Variants in KDM4C observed in about 807,000 individuals in gnomAD.
KDM4C encodes the protein lysine-specific demethylase 4C.
Under a neutral mutation model 129.3 loss-of-function variants are expected in KDM4C, and 81 were observed. The ratio of observed to expected loss-of-function variants is 0.63; its 90% confidence interval spans 0.52 to 0.75. The LOEUF (loss-of-function observed/expected upper bound fraction) is 0.75, where lower values mean the gene tolerates loss of function less well. Among genes scored for constraint, KDM4C ranks in the 30% least tolerant of loss-of-function variants. The pLI is 0.00. For missense variants in KDM4C, 1,457 were observed against 1,304.0 expected (o/e 1.12, Z -1.81); for synonymous variants, 573 against 456.1 (o/e 1.26, Z -3.26).
At chr9:6,829,663 C>T (rs1834484321) in intron 4 of KDM4C, among the ~76,000 whole-genome samples, 1 of 152,128 alleles carries the variant, frequency 6.6e-6, no homozygotes, top group African/African-American at 2.4e-5. Flanking sequence ...AGACAGTCAC[C>T]AGGAAGGATG....
intron 18 of KDM4C, among the ~76,000 whole-genome samples, chr9:7,110,248 T>C (rs532941022): frequency 6.6e-6 from 1 of 152,312 alleles, no homozygotes; most frequent in East Asian, 1.9e-4. Context: ...GGAGCTCTAC[T>C]AGAGACCAAA....
At chr9:7,126,862 A>C (rs1840075010) in intron 18 of KDM4C, among the ~76,000 whole-genome samples, 2 of 152,102 alleles carry the variant, frequency 1.3e-5, no homozygotes, top group Admixed American at 1.3e-4. Flanking sequence ...TAAAAAAAAA[A>C]GAAAAGAAAA....
intron 8 of KDM4C, among the ~76,000 whole-genome samples, chr9:6,916,028 G>A (rs1199721210): frequency 6.6e-6 from 1 of 152,160 alleles, no homozygotes. Context: ...GGACAGCTTT[G>A]TGAGAGACAT....
intron 17 of KDM4C, chr9:7,076,975 G>A (rs937120470): frequency 1.3e-5 from 13 of 985,522 alleles, no homozygotes; most frequent in Non-Finnish European, 1.6e-5. Flanking sequence ...CCAGAGGCTT[G>A]AATCTAAGAG....
At chr9:7,101,933 A>G (rs1837142305) in intron 17 of KDM4C, among the ~76,000 whole-genome samples, 1 of 152,214 alleles carries the variant, frequency 6.6e-6, no homozygotes. Context: ...ATCTGCCATC[A>G]CATTTCAAAT....
intron 8 of KDM4C, among the ~76,000 whole-genome samples, chr9:6,949,811 C>G (rs1044087869): frequency 3.9e-5 from 6 of 152,068 alleles, no homozygotes; most frequent in Non-Finnish European, 8.8e-5. Flanking sequence ...AGCTTCGGCT[C>G]GGCATCAGAG....
chr9:6,807,689 C>A (rs1282206283), intron 3 of KDM4C, among the ~76,000 whole-genome samples: 2 of 148,138 alleles, frequency 1.4e-5, no homozygotes, highest in Non-Finnish European at 3.0e-5. Context: ...CGCCCGGCAG[C>A]TGCCCCGTCT....
chr9:6,984,221 G>C lies in KDM4C; in HGVS notation c.1171G>C (p.Val391Leu). 2 of 1,613,918 alleles carry C rather than the reference G, an allele frequency of 1.2e-6. No homozygotes were observed. The highest frequency in any genetic ancestry group is 1.7e-6 in the Non-Finnish European group (2 of 1,179,812). ...KRPKADEEEE[V>L]SDEVDGAEVP... ...GCCTAAGGCTGATGAGGAAGAGGAA[G>C]TGTCAGATGAAGTCGATGGGGCAGA... Residue 391 changes from valine to leucine, a missense_variant, in exon 10 of 22, where the codon GTG (valine) becomes CTG (leucine). Val to Leu is a conservative substitution (Grantham distance 32, BLOSUM62 1). Transcript: ENST00000381309.
chr9:7,029,243 C>G (rs1826322941), intron 15 of KDM4C, among the ~76,000 whole-genome samples: 1 of 151,406 alleles, frequency 6.6e-6, no homozygotes, highest in Non-Finnish European at 1.5e-5. Flanking sequence ...AATATGCTCA[C>G]CATAAAAATG....
chr9:7,168,908 T>C (rs1402957496), intron 20 of KDM4C, among the ~76,000 whole-genome samples: 2 of 152,070 alleles, frequency 1.3e-5, no homozygotes, highest in African/African-American at 2.4e-5. Flanking sequence ...AGCTGGGCGT[T>C]GTGGCACACA....
intron 8 of KDM4C, among the ~76,000 whole-genome samples, chr9:6,900,400 C>T (rs144051615): frequency 2.6e-5 from 4 of 152,324 alleles, no homozygotes; most frequent in East Asian, 3.9e-4. Context: ...TGGTCTTGTC[C>T]CATGAAAGCT....
intron 15 of KDM4C, among the ~76,000 whole-genome samples, chr9:7,033,778 C>A (rs1288614186): frequency 6.6e-6 from 1 of 152,144 alleles, no homozygotes; most frequent in Non-Finnish European, 1.5e-5. Context: ...TTTAGTGCTT[C>A]AACTAGAAAG....
intron 15 of KDM4C, among the ~76,000 whole-genome samples, chr9:7,040,387 G>A (rs7852299): frequency 7.7e-5 from 6 of 77,746 alleles, no homozygotes; most frequent in African/African-American, 2.0e-4. Context: ...GTGTGTGTGT[G>A]TGTGTGTGTG....
At chr9:6,755,752 C>T (rs1248147094), upstream of KDM4C, among the ~76,000 whole-genome samples, 7 of 152,008 alleles carry the variant, frequency 4.6e-5, no homozygotes, top group Non-Finnish European at 7.4e-5. Flanking sequence ...AATGTTTTCA[C>T]GATAATTCAT....
chr9:6,825,039 G>A (rs1023780812), intron 4 of KDM4C, among the ~76,000 whole-genome samples: 1 of 151,288 alleles, frequency 6.6e-6, no homozygotes, highest in African/African-American at 2.4e-5. Flanking sequence ...CCAGCTACCC[G>A]AGAGGCAGAG....
intron 8 of KDM4C, among the ~76,000 whole-genome samples, chr9:6,901,566 C>T (rs950090798): frequency 2.0e-5 from 3 of 152,160 alleles, no homozygotes; most frequent in Admixed American, 2.0e-4. Context: ...TCATCTACCC[C>T]CATTTGCGAG....
intron 8 of KDM4C, among the ~76,000 whole-genome samples, chr9:6,898,164 G>T (rs1005576254): frequency 5.9e-5 from 9 of 152,198 alleles, no homozygotes; most frequent in African/African-American, 2.2e-4. Context: ...CTGACAGGCT[G>T]TTAAATGAAA....
At chr9:6,907,554 C>G (rs1236701133) in intron 8 of KDM4C, among the ~76,000 whole-genome samples, 1 of 152,054 alleles carries the variant, frequency 6.6e-6, no homozygotes, top group Admixed American at 6.6e-5. Context: ...AACTTGTAGC[C>G]AAAACTTTAG....
chr9:7,132,303 C>T (rs1487176611), intron 19 of KDM4C, among the ~76,000 whole-genome samples: 1 of 152,170 alleles, frequency 6.6e-6, no homozygotes, highest in Non-Finnish European at 1.5e-5. Context: ...TCCTTTAATG[C>T]AGGCTGGCCT....
Sources: allele counts gnomAD v4.1 joint callset (sites outside exome capture counted in the v4.1 genomes callset), GRCh38; gene constraint gnomAD v4.1.1; transcripts MANE v1.5; gene names NCBI Gene and HGNC (gene_info 2026-07-23, HGNC 2026-07-21).